Variants in SCFD2 observed in about 807,000 individuals in gnomAD.
SCFD2 encodes the protein sec1 family domain-containing protein 2.
A neutral mutation model predicts 58.9 loss-of-function variants in SCFD2; 54 were observed. That is an observed-to-expected ratio of 0.92 (90% CI 0.74 to 1.15). The LOEUF (loss-of-function observed/expected upper bound fraction) is 1.15, where lower values mean the gene tolerates loss of function less well. Ranked by LOEUF, SCFD2 falls within the 50% of genes most tolerant of loss-of-function variation. The probability of loss-of-function intolerance (pLI) is 0.00; values close to 1 mark genes in which losing one functional copy is unlikely to be tolerated. For synonymous variants in SCFD2, 321 were observed against 335.9 expected (o/e 0.96, Z 0.49); for missense variants, 805 against 836.6 (o/e 0.96, Z 0.47).
chr4:52,886,264 T>C lies in SCFD2; in HGVS notation c.1843-398A>G, dbSNP rs375594904. On this transcript the variant is annotated intron_variant, in intron 7 of 8. Transcript: ENST00000401642. The stretch of plus-strand genomic sequence containing the variant: ...CAAACCAATCAGCATGCACTCCCCA[T>C]TCTGAGCCCATAAAAGCCCTGGACT... Among the ~76,000 whole-genome samples, 25 of 152,298 alleles carry C rather than the reference T, an allele frequency of 1.6e-4. No individual in the cohort carries two copies. The South Asian group carries it at 5.0e-3, about 30-fold the overall frequency.
intron 2 of SCFD2, among the ~76,000 whole-genome samples, chr4:53,320,765 T>G (rs1259831727): frequency 6.6e-6 from 1 of 152,256 alleles, no homozygotes; most frequent in Non-Finnish European, 1.5e-5. Context: ...CTCTTTTTCT[T>G]TTTCACAAGT....
rs148616718 is a variant in SCFD2, at chr4:53,177,390, G to A, written c.1312-31808C>T. On this transcript the variant is annotated intron_variant, in intron 4 of 8. Coordinates refer to ENST00000401642, the MANE Select transcript of SCFD2 (RefSeq NM_152540.4). ...ACCATGCAGAATCTGGAGGAGAGAG[G>A]GCCAAGGAGTGGGTTAGGAGAAGGG... Among the ~76,000 whole-genome samples the A allele has an allele frequency of 5.2e-3, 796 of 152,222 alleles. 6 individuals carry two copies. The highest frequency in any genetic ancestry group is 8.5e-3 in the Non-Finnish European group (575 of 68,020).
chr4:53,208,884 G>C (rs1219732877), intron 4 of SCFD2, among the ~76,000 whole-genome samples: 1 of 152,148 alleles, frequency 6.6e-6, no homozygotes, highest in Non-Finnish European at 1.5e-5. Context: ...TCGGCCCTTT[G>C]AAAGTTTGCC....
At chr4:53,248,231 C>T (rs371950961) in intron 4 of SCFD2, among the ~76,000 whole-genome samples, 6 of 152,164 alleles carry the variant, frequency 3.9e-5, no homozygotes, top group South Asian at 2.1e-4. Flanking sequence ...TAGGAAACGG[C>T]GCACCAGGAA....
intron 3 of SCFD2, among the ~76,000 whole-genome samples, chr4:53,285,038 TG>T (rs1731623670): frequency 6.6e-6 from 1 of 152,194 alleles, no homozygotes. Flanking sequence ...TCAATTCAAA[TG>T]GGTTTAAAAT....
chr4:53,167,042 A>G (rs1337204471), intron 4 of SCFD2, among the ~76,000 whole-genome samples: 1 of 152,180 alleles, frequency 6.6e-6, no homozygotes, highest in East Asian at 1.9e-4. Context: ...TCTTCTTCAG[A>G]TAAACCTTTC....
At chr4:53,327,303 G>A (rs1444526755) in intron 2 of SCFD2, among the ~76,000 whole-genome samples, 4 of 152,196 alleles carry the variant, frequency 2.6e-5, no homozygotes, top group African/African-American at 4.8e-5. Flanking sequence ...CACATGGGAT[G>A]GAGGGTGGCA....
intron 2 of SCFD2, among the ~76,000 whole-genome samples, chr4:53,326,548 G>C (rs572007646): frequency 1.3e-5 from 2 of 152,118 alleles, no homozygotes; most frequent in African/African-American, 4.8e-5. Flanking sequence ...CATTATAAAT[G>C]GGGGAACGTT....
At chr4:53,185,143 T>C (rs372821268) in intron 4 of SCFD2, among the ~76,000 whole-genome samples, 3 of 152,082 alleles carry the variant, frequency 2.0e-5, no homozygotes, top group Admixed American at 6.6e-5. Context: ...AAGAGAAATA[T>C]AGAGAGTAAC....
chr4:53,182,234 G>A (rs1389819785), intron 4 of SCFD2, among the ~76,000 whole-genome samples: 4 of 152,126 alleles, frequency 2.6e-5, no homozygotes, highest in African/African-American at 9.7e-5. Flanking sequence ...GAGGCATCAT[G>A]CTACCTGACT....
intron 5 of SCFD2, among the ~76,000 whole-genome samples, chr4:52,989,824 A>G (rs1721578831): frequency 6.6e-6 from 1 of 151,884 alleles, no homozygotes; most frequent in Non-Finnish European, 1.5e-5. Context: ...TTACCTACTG[A>G]TGCCCCCTCC....
intron 4 of SCFD2, among the ~76,000 whole-genome samples, chr4:53,251,642 A>T (rs1323085764): frequency 5.3e-5 from 8 of 152,222 alleles, no homozygotes; most frequent in Admixed American, 1.3e-4. Flanking sequence ...CCACATGATT[A>T]TCTCAATAGA....
intron 3 of SCFD2, among the ~76,000 whole-genome samples, chr4:53,283,631 T>A (rs1428227812): frequency 6.6e-6 from 1 of 151,926 alleles, no homozygotes; most frequent in Non-Finnish European, 1.5e-5. Context: ...TGCAATGGTG[T>A]AATCTCAGCT....
intron 4 of SCFD2, among the ~76,000 whole-genome samples, chr4:53,214,959 T>C (rs1389388800): frequency 6.6e-6 from 1 of 152,160 alleles, no homozygotes; most frequent in Admixed American, 6.5e-5. Context: ...GATCAGATAG[T>C]TGTAGATATG....
chr4:53,041,186 T>C (rs1249247767), intron 5 of SCFD2, among the ~76,000 whole-genome samples: 1 of 152,182 alleles, frequency 6.6e-6, no homozygotes, highest in Non-Finnish European at 1.5e-5. Context: ...TATGCAACCA[T>C]CTGTGGGATC....
intron 3 of SCFD2, among the ~76,000 whole-genome samples, chr4:53,278,223 C>T (rs560593594): frequency 6.6e-6 from 1 of 150,832 alleles, no homozygotes; most frequent in Admixed American, 6.6e-5. Context: ...AAATATTAGC[C>T]GGGAGTGGTG....
intron 4 of SCFD2, among the ~76,000 whole-genome samples, chr4:53,232,405 C>T (rs1256706835): frequency 6.6e-6 from 1 of 152,020 alleles, no homozygotes. Flanking sequence ...CTGGAATAAG[C>T]TTTTTGGCAA....
At chr4:53,250,094 G>A (rs572864048) in intron 4 of SCFD2, among the ~76,000 whole-genome samples, 78 of 152,268 alleles carry the variant, frequency 5.1e-4, no homozygotes, top group African/African-American at 1.7e-3. Context: ...CAAAATAAAA[G>A]GATGGAGGAA....
At chr4:53,315,859 TAA>T (rs1383412938) in intron 2 of SCFD2, among the ~76,000 whole-genome samples, 1 of 152,172 alleles carries the variant, frequency 6.6e-6, no homozygotes, top group Non-Finnish European at 1.5e-5. Flanking sequence ...AAAATCACAG[TAA>T]GTTAGGTAAC....
Sources: gnomAD v4.1 joint callset for allele counts (sites outside exome capture counted in the v4.1 genomes callset) on GRCh38, gnomAD v4.1.1 for gene constraint, MANE v1.5 for transcripts, NCBI Gene and HGNC (gene_info 2026-07-23, HGNC 2026-07-21) for gene names.